The following GRID2 variants were observed in gnomAD, a reference collection of about 807,000 sequenced individuals.
GRID2 encodes the protein glutamate receptor ionotropic, delta-2.
GRID2 carries 33 observed loss-of-function variants against 114.8 expected under a neutral mutation model. The ratio of observed to expected loss-of-function variants is 0.29; its 90% confidence interval spans 0.22 to 0.38. The LOEUF (loss-of-function observed/expected upper bound fraction) is 0.38, where lower values mean the gene tolerates loss of function less well. Among genes scored for constraint, GRID2 ranks in the 10% least tolerant of loss-of-function variants. GRID2 has a pLI of 1.00. For synonymous variants in GRID2, 505 were observed against 449.9 expected, an observed-to-expected ratio of 1.12 and a Z score of -1.55; for missense variants, 1,184 against 1,257.7, an observed-to-expected ratio of 0.94 and a Z score of 0.89.
chr4:93,395,183 C>G (rs555580499), intron 8 of GRID2, among the ~76,000 whole-genome samples: 7 of 151,738 alleles, frequency 4.6e-5, no homozygotes, highest in Non-Finnish European at 1.0e-4. Flanking sequence ...AAAATAGTGT[C>G]TTTTTTCCCA....
chr4:92,603,436 A>G (rs906557603), intron 2 of GRID2, among the ~76,000 whole-genome samples: 1 of 152,160 alleles, frequency 6.6e-6, no homozygotes, highest in African/African-American at 2.4e-5. Flanking sequence ...GACACAAATA[A>G]GCAATGGGGA....
intron 1 of GRID2, among the ~76,000 whole-genome samples, chr4:92,346,881 T>C (rs1727792516): frequency 6.6e-6 from 1 of 152,244 alleles, no homozygotes; most frequent in Non-Finnish European, 1.5e-5. Flanking sequence ...ATTATTTTAG[T>C]TGCAAGTGAT....
At chr4:93,728,805 C>T (rs1018853712) in intron 14 of GRID2, among the ~76,000 whole-genome samples, 1 of 151,970 alleles carries the variant, frequency 6.6e-6, no homozygotes, top group Non-Finnish European at 1.5e-5. Flanking sequence ...ACTAGGATTG[C>T]AACCCCTGCC....
chr4:92,933,993 T>C (rs1750440438), intron 2 of GRID2, among the ~76,000 whole-genome samples: 1 of 151,732 alleles, frequency 6.6e-6, no homozygotes, highest in African/African-American at 2.4e-5. Flanking sequence ...AAACACTCTA[T>C]AAAAGATTGC....
chr4:93,205,042 C>T (rs1195043613), intron 4 of GRID2, among the ~76,000 whole-genome samples: 1 of 152,030 alleles, frequency 6.6e-6, no homozygotes, highest in Non-Finnish European at 1.5e-5. Flanking sequence ...CCCAGAAACC[C>T]ACTTTCCTTA....
chr4:93,124,124 A>AAG (rs1734060314), intron 4 of GRID2, among the ~76,000 whole-genome samples: 1 of 151,762 alleles, frequency 6.6e-6, no homozygotes, highest in African/African-American at 2.4e-5. Flanking sequence ...AAAGAAAAAA[A>AAG]AAAAAGATAA....
intron 2 of GRID2, among the ~76,000 whole-genome samples, chr4:92,678,297 C>G (rs1158499326): frequency 1.3e-5 from 2 of 152,056 alleles, no homozygotes; most frequent in Non-Finnish European, 2.9e-5. Flanking sequence ...TTCCCATATT[C>G]AATTATAAAT....
intron 1 of GRID2, among the ~76,000 whole-genome samples, chr4:92,431,423 A>G (rs988314938): frequency 2.0e-5 from 3 of 152,122 alleles, no homozygotes; most frequent in Non-Finnish European, 4.4e-5. Flanking sequence ...CAAATGTTGA[A>G]TCATCCTTGC....
intron 8 of GRID2, among the ~76,000 whole-genome samples, chr4:93,284,807 TA>T (rs34080250): frequency 0.55 from 83,230 of 151,656 alleles, 23,848 homozygotes; most frequent in Middle Eastern, 0.74. Context: ...CATATTTTAT[TA>T]TATTTCGGTA....
rs116170147 is a variant in GRID2, at chr4:93,060,772, G to A, written c.245-24223G>A. Among the ~76,000 whole-genome samples the A allele has an allele frequency of 7.9e-3, 1,207 of 152,178 alleles. 12 individuals carry two copies. The highest frequency in any genetic ancestry group is 0.027 in the African/African-American group (1,131 of 41,548). ...GCCAATTTGGCTAGTTAATTTAAATGCAAGTTTGAAAGTATGTTATGCAAC... is the reference window on the plus strand; with the variant it reads ...GCCAATTTGGCTAGTTAATTTAAATACAAGTTTGAAAGTATGTTATGCAAC... On this transcript the variant is annotated intron_variant, in intron 2 of 15. Transcript: ENST00000282020.
chr4:92,416,176 T>C (rs932002743), intron 1 of GRID2, among the ~76,000 whole-genome samples: 3 of 152,158 alleles, frequency 2.0e-5, no homozygotes, highest in African/African-American at 7.2e-5. Flanking sequence ...ATTTTTTTCA[T>C]ATGTTTGTTG....
intron 1 of GRID2, among the ~76,000 whole-genome samples, chr4:92,524,405 GTCTTTTT>G (rs754143238): frequency 1.0e-5 from 1 of 100,134 alleles, no homozygotes; most frequent in South Asian, 3.3e-4. Context: ...GGATTTCCTT[GTCTTTTT>G]TTTTTTTTTT....
intron 11 of GRID2, among the ~76,000 whole-genome samples, chr4:93,474,112 A>G (rs1385866181): frequency 6.6e-6 from 1 of 152,150 alleles, no homozygotes; most frequent in Non-Finnish European, 1.5e-5. Context: ...ACAATTTATA[A>G]TTCCAATACT....
At chr4:92,886,187 C>T (rs1403521110) in intron 2 of GRID2, among the ~76,000 whole-genome samples, 2 of 152,132 alleles carry the variant, frequency 1.3e-5, no homozygotes, top group Admixed American at 6.6e-5. Flanking sequence ...GTGGAGCAGC[C>T]AGAACCAGCA....
intron 8 of GRID2, among the ~76,000 whole-genome samples, chr4:93,341,854 G>A (rs1402782233): frequency 6.6e-6 from 1 of 152,100 alleles, no homozygotes; most frequent in African/African-American, 2.4e-5. Context: ...ATCAGACTTT[G>A]TGATTCTGTG....
At chr4:92,811,747 T>G (rs1740670393) in intron 2 of GRID2, among the ~76,000 whole-genome samples, 1 of 152,080 alleles carries the variant, frequency 6.6e-6, no homozygotes, top group Admixed American at 6.6e-5. Context: ...AGTCGACAAT[T>G]AAAGTAAAAT....
chr4:93,742,045 G>C (rs930071222), intron 14 of GRID2, among the ~76,000 whole-genome samples: 1 of 152,086 alleles, frequency 6.6e-6, no homozygotes, highest in Non-Finnish European at 1.5e-5. Context: ...TAGAGCAAGG[G>C]AAATGTGAGA....
At chr4:92,709,589 A>AAAAAAAATATATAT (rs779775767) in intron 2 of GRID2, among the ~76,000 whole-genome samples, 2 of 114,660 alleles carry the variant, frequency 1.7e-5, no homozygotes, top group South Asian at 3.2e-4. Context: ...AAAAAAAAAA[A>AAAAAAAATATATAT]ATATATATAT....
intron 2 of GRID2, among the ~76,000 whole-genome samples, chr4:92,794,965 A>G (rs1378268895): frequency 6.7e-6 from 1 of 149,650 alleles, no homozygotes; most frequent in Non-Finnish European, 1.5e-5. Context: ...TGGAGAAAAG[A>G]GAACATTATT....
Sources: allele counts gnomAD v4.1 joint callset (sites outside exome capture counted in the v4.1 genomes callset), GRCh38; gene constraint gnomAD v4.1.1; transcripts MANE v1.5; gene names NCBI Gene and HGNC (gene_info 2026-07-23, HGNC 2026-07-21).